DOCK4: variants seen among roughly 807,000 people sequenced by gnomAD.
DOCK4 encodes the protein dedicator of cytokinesis protein 4.
In DOCK4, 97 loss-of-function variants were observed where a neutral mutation model predicts 268.1. The observed-to-expected ratio is 0.36, with a 90% CI of 0.31 to 0.43. The LOEUF (loss-of-function observed/expected upper bound fraction) is 0.43. DOCK4 is among the 20% of genes least tolerant of loss of function. DOCK4 has a pLI of 1.00. For synonymous variants in DOCK4, 954 were observed against 887.2 expected, an observed-to-expected ratio of 1.08 and a Z score of -1.34; for missense variants, 2,145 against 2,455.7, an observed-to-expected ratio of 0.87 and a Z score of 2.67.
intron 1 of DOCK4, among the ~76,000 whole-genome samples, chr7:112,076,770 T>G (rs1417597233): frequency 6.6e-6 from 1 of 152,108 alleles, no homozygotes; most frequent in Non-Finnish European, 1.5e-5. Flanking sequence ...TTACAACCAA[T>G]TTGTCATATG....
chr7:111,914,998 T>C lies in DOCK4; in HGVS notation c.1192+781A>G, dbSNP rs11984042. ...GCTCAATCAATGCCTGCTGACTGAC[T>C]AAATCAATTTTTGCTAAACACACAT... On this transcript the variant is annotated intron_variant, in intron 13 of 52. Coordinates refer to ENST00000428084, the MANE Select transcript of DOCK4 (RefSeq NM_001363540.2). 3.9e-5 allele frequency among the ~76,000 whole-genome samples: 6 copies of C among 152,352 alleles called. 1 individual carries two copies. Among genetic ancestry groups the C allele is most frequent in the African/African-American group, 1.4e-4 (6 of 41,582 alleles).
chr7:111,854,495 G>A (rs1370857152), intron 23 of DOCK4, among the ~76,000 whole-genome samples: 1 of 152,270 alleles, frequency 6.6e-6, no homozygotes, highest in East Asian at 1.9e-4. Context: ...GCTCCCAGCC[G>A]AATAAAGCCC....
rs369190950 is a variant in DOCK4, at chr7:111,810,985, G to C, written c.3006+889C>G. On this transcript the variant is annotated intron_variant, in intron 28 of 52. Coordinates refer to ENST00000428084, the MANE Select transcript of DOCK4 (RefSeq NM_001363540.2). Reference sequence around the variant, plus strand: ...TCACTGCATTCCAGCCTGGGCAACAGAGCAGGACTCTGTCTCAAAAACAAA... The same window carrying C: ...TCACTGCATTCCAGCCTGGGCAACACAGCAGGACTCTGTCTCAAAAACAAA... 2.4e-4 allele frequency among the ~76,000 whole-genome samples: 36 copies of C among 152,216 alleles called. 1 individual carries two copies. Among genetic ancestry groups the C allele is most frequent in the East Asian group, 1.5e-3 (8 of 5,186 alleles).
chr7:112,189,622 C>CAGCATTTGCTGTA (rs1819750967), intron 1 of DOCK4, among the ~76,000 whole-genome samples: 1 of 152,098 alleles, frequency 6.6e-6, no homozygotes, highest in African/African-American at 2.4e-5. Flanking sequence ...AAATGTTATA[C>CAGCATTTGCTGTA]TAAGAGCAGA....
chr7:111,939,159 A>G (rs1483270020), intron 11 of DOCK4, among the ~76,000 whole-genome samples: 1 of 152,060 alleles, frequency 6.6e-6, no homozygotes, highest in Non-Finnish European at 1.5e-5. Flanking sequence ...AGCCCTCAGA[A>G]GGAGCCAACT....
At chr7:112,072,802 A>G (rs1563058043) in intron 1 of DOCK4, among the ~76,000 whole-genome samples, 2 of 152,214 alleles carry the variant, frequency 1.3e-5, no homozygotes, top group Non-Finnish European at 2.9e-5. Flanking sequence ...TGGTCTCACA[A>G]ATGCACACTA....
intron 1 of DOCK4, among the ~76,000 whole-genome samples, chr7:112,094,614 A>G (rs989235564): frequency 4.7e-4 from 71 of 152,220 alleles, no homozygotes; most frequent in African/African-American, 1.4e-3. Flanking sequence ...AACAACAAAG[A>G]AAGTTTTGAA....
intron 13 of DOCK4, 27 bp from the exon 14 acceptor site, chr7:111,901,828 T>C: frequency 6.8e-7 from 1 of 1,477,408 alleles, no homozygotes. Context: ...ATTAAAACCA[T>C]GTTATATATA....
At chr7:111,823,363 C>A (rs575412493) in intron 26 of DOCK4, among the ~76,000 whole-genome samples, 2 of 151,762 alleles carry the variant, frequency 1.3e-5, no homozygotes, top group African/African-American at 4.8e-5. Context: ...CCTGCCACCA[C>A]GTCCAGCTAA....
intron 12 of DOCK4, among the ~76,000 whole-genome samples, chr7:111,921,393 T>G (rs1222642256): frequency 6.6e-6 from 1 of 152,334 alleles, no homozygotes; most frequent in Non-Finnish European, 1.5e-5. Flanking sequence ...ATTCTATAAG[T>G]TGGCTCCTTT....
At chr7:111,732,645 G>A (rs574393488) in intron 51 of DOCK4, 23 of 220,972 alleles carry the variant, frequency 1.0e-4, no homozygotes, top group Non-Finnish European at 2.0e-4. Context: ...GAGATGCTAG[G>A]GAGCAGTTCT....
chr7:111,786,330 C>G (rs528664067), intron 32 of DOCK4, among the ~76,000 whole-genome samples: 3 of 152,228 alleles, frequency 2.0e-5, no homozygotes, highest in African/African-American at 7.2e-5. Context: ...ATCCCCAGCC[C>G]TGGGGAGTGC....
intron 2 of DOCK4, among the ~76,000 whole-genome samples, chr7:112,002,128 T>C (rs1019726618): frequency 6.6e-6 from 1 of 152,184 alleles, no homozygotes; most frequent in Admixed American, 6.5e-5. Context: ...TTCCTCCTCA[T>C]AATACATTTT....
chr7:112,038,903 C>T (rs1050089183), intron 1 of DOCK4, among the ~76,000 whole-genome samples: 1 of 152,120 alleles, frequency 6.6e-6, no homozygotes, highest in African/African-American at 2.4e-5. Flanking sequence ...CATATTAGAC[C>T]AATGTCGCTA....
intron 13 of DOCK4, among the ~76,000 whole-genome samples, chr7:111,913,547 C>T (rs1792316205): frequency 6.7e-6 from 1 of 150,370 alleles, no homozygotes; most frequent in African/African-American, 2.4e-5. Context: ...GTAGCTGGGA[C>T]TACAGGCGCC....
At chr7:111,873,097 G>C (rs1367187476) in intron 17 of DOCK4, among the ~76,000 whole-genome samples, 2 of 152,178 alleles carry the variant, frequency 1.3e-5, no homozygotes, top group Non-Finnish European at 2.9e-5. Flanking sequence ...CTAAAAGAAT[G>C]GTAACAGGCC....
intron 1 of DOCK4, among the ~76,000 whole-genome samples, chr7:112,034,245 T>A (rs1803538051): frequency 6.6e-6 from 1 of 152,146 alleles, no homozygotes; most frequent in Non-Finnish European, 1.5e-5. Context: ...TAATAAAAAA[T>A]TTTTAAATAT....
intron 7 of DOCK4, among the ~76,000 whole-genome samples, chr7:111,978,669 T>C (rs1245124234): frequency 6.6e-6 from 1 of 152,242 alleles, no homozygotes; most frequent in Non-Finnish European, 1.5e-5. Flanking sequence ...CTCACACTGC[T>C]TGCAGTGAGG....
intron 1 of DOCK4, among the ~76,000 whole-genome samples, chr7:112,166,836 CT>C (rs562411713): frequency 7.5e-4 from 109 of 145,448 alleles, no homozygotes; most frequent in South Asian, 1.1e-3. Flanking sequence ...TTAAATTCTT[CT>C]TTTTTTTTTT....
Sources: allele counts gnomAD v4.1 joint callset (sites outside exome capture counted in the v4.1 genomes callset), GRCh38; gene constraint gnomAD v4.1.1; transcripts MANE v1.5; gene names NCBI Gene and HGNC (gene_info 2026-07-23, HGNC 2026-07-21).